Variants in TRIT1 observed in about 807,000 individuals in gnomAD.
The protein encoded by TRIT1 is tRNA isopentenyltransferase 1.
In TRIT1, 43 loss-of-function variants were observed where a neutral mutation model predicts 51.2. That is an observed-to-expected ratio of 0.84 (90% confidence interval 0.66 to 1.08). The LOEUF is 1.08. Among genes scored for constraint, TRIT1 ranks in the 50% least tolerant of loss-of-function variants. The pLI is 0.00. For synonymous variants in TRIT1, 184 were observed against 203.9 expected, an observed-to-expected ratio of 0.90 and a Z score of 0.83; for missense variants, 528 against 578.4, an observed-to-expected ratio of 0.91 and a Z score of 0.89.
chr1:39,866,730 G>A (rs557771405), intron 1 of TRIT1, among the ~76,000 whole-genome samples: 1 of 152,250 alleles, frequency 6.6e-6, no homozygotes, highest in South Asian at 2.1e-4. Context: ...CCAACACCTT[G>A]GGAGGCCAAG....
chr1:39,857,881 G>T (rs1228541164), intron 1 of TRIT1, among the ~76,000 whole-genome samples: 1 of 152,194 alleles, frequency 6.6e-6, no homozygotes, highest in Non-Finnish European at 1.5e-5. Flanking sequence ...GGTTCCATTT[G>T]TGGAGAAGGA....
intron 1 of TRIT1, among the ~76,000 whole-genome samples, chr1:39,862,637 C>T (rs1209613140): frequency 6.6e-6 from 1 of 152,158 alleles, no homozygotes; most frequent in Admixed American, 6.5e-5. Context: ...TCTAAACAAA[C>T]TTAGAAATTA....
chr1:39,841,006 T>C lies in TRIT1; in HGVS notation c.*738A>G, dbSNP rs1261927061. ...CATTGATAACAGAGCATACTGTGTA[T>C]AAACTAGGCATGGACTTGTATATCT... On this transcript the variant is annotated 3_prime_UTR_variant, in exon 11 of 11. Transcript: ENST00000316891. 2.0e-5 allele frequency: 3 copies of C among 152,238 alleles called. No homozygotes were observed. The highest frequency in any genetic ancestry group is 2.0e-4 in the Admixed American group (3 of 15,286). The allele number at this position is 152,238 out of a possible 1,614,324, so 9.4% of individuals were successfully genotyped here. A position where few individuals can be genotyped will look rare whatever the true frequency, so the allele number is the denominator to read the frequency against.
intron 1 of TRIT1, among the ~76,000 whole-genome samples, chr1:39,864,624 C>T (rs1643435278): frequency 1.3e-5 from 2 of 151,030 alleles, no homozygotes; most frequent in Non-Finnish European, 2.9e-5. Context: ...AAAAATTATC[C>T]GGCCCCAAAA....
chr1:39,861,449 A>T (rs1643239869), intron 1 of TRIT1, among the ~76,000 whole-genome samples: 1 of 152,232 alleles, frequency 6.6e-6, no homozygotes, highest in South Asian at 2.1e-4. Flanking sequence ...TAGCAATTCC[A>T]CTTCAGGTAC....
intron 1 of TRIT1, among the ~76,000 whole-genome samples, chr1:39,872,677 T>C (rs987980380): frequency 2.0e-5 from 3 of 151,718 alleles, no homozygotes; most frequent in African/African-American, 2.4e-5. Context: ...TAGATTAATA[T>C]ACATACATAC....
At chr1:39,845,306 G>A (rs1019607465) in intron 8 of TRIT1, among the ~76,000 whole-genome samples, 1 of 152,200 alleles carries the variant, frequency 6.6e-6, no homozygotes, top group Non-Finnish European at 1.5e-5. Flanking sequence ...AAAGAGTGCA[G>A]CTACAGGTAT....
chr1:39,880,257 A>T (rs1644212566), intron 1 of TRIT1, among the ~76,000 whole-genome samples: 1 of 144,092 alleles, frequency 6.9e-6, no homozygotes, highest in African/African-American at 2.7e-5. Flanking sequence ...GCAACAGAGC[A>T]AGACCTCAAA....
chr1:39,847,363 C>A (rs1049428765), intron 7 of TRIT1, 66 bp from the exon 8 acceptor site: 26 of 1,524,014 alleles, frequency 1.7e-5, no homozygotes, highest in Non-Finnish European at 2.4e-5. Flanking sequence ...GAGGCAGGCC[C>A]TCCCAGCCCA....
Position 39,841,505 on chromosome 1 carries a change from T to G in TRIT1, c.*239A>C. On this transcript the variant is annotated 3_prime_UTR_variant, in exon 11 of 11. Transcript: ENST00000316891. ...CTTTAAGGTTCAAAGAAAAAAAAAATGCTTTCCTGAACTACATCATTTCCA... is the reference window on the plus strand; with the variant it reads ...CTTTAAGGTTCAAAGAAAAAAAAAAGGCTTTCCTGAACTACATCATTTCCA... The G allele has an allele frequency of 2.7e-6, 1 of 369,064 alleles. No homozygotes were observed. Among genetic ancestry groups the G allele is most frequent in the Non-Finnish European group, 4.8e-6 (1 of 207,746 alleles). The allele number at this position is 369,064 out of a possible 1,614,324, so 22.9% of individuals were successfully genotyped here. A position where few individuals can be genotyped will look rare whatever the true frequency, so the allele number is the denominator to read the frequency against.
intron 8 of TRIT1, 110 bp downstream of exon 8, chr1:39,847,110 C>CA: frequency 1.2e-6 from 1 of 863,856 alleles, no homozygotes; most frequent in Non-Finnish European, 1.8e-6. Flanking sequence ...AGGTCAGATC[C>CA]AAAATCTTAG....
chr1:39,847,028 T>C (rs1166830450), intron 8 of TRIT1, 192 bp downstream of exon 8: 2 of 552,008 alleles, frequency 3.6e-6, no homozygotes, highest in African/African-American at 4.0e-5. Context: ...TCAATGCAAA[T>C]AATTTTTTTT....
chr1:39,865,982 AAAG>A (rs775832044), intron 1 of TRIT1, among the ~76,000 whole-genome samples: 16 of 151,528 alleles, frequency 1.1e-4, no homozygotes, highest in South Asian at 2.1e-4. Flanking sequence ...AGGAAAAGGA[AAAG>A]AAAGAAAGGG....
At chr1:39,846,625 G>C (rs1161821462) in intron 8 of TRIT1, among the ~76,000 whole-genome samples, 1 of 152,148 alleles carries the variant, frequency 6.6e-6, no homozygotes, top group African/African-American at 2.4e-5. Flanking sequence ...TTTCTTATCT[G>C]TAAAAATAAA....
chr1:39,849,112 A>G (rs1642410524), intron 5 of TRIT1, among the ~76,000 whole-genome samples: 1 of 152,202 alleles, frequency 6.6e-6, no homozygotes, highest in African/African-American at 2.4e-5. Flanking sequence ...CAGCAACAGT[A>G]ACCTTCCTAG....
intron 1 of TRIT1, among the ~76,000 whole-genome samples, chr1:39,878,511 T>C (rs926893906): frequency 2.0e-5 from 3 of 152,216 alleles, no homozygotes; most frequent in Non-Finnish European, 4.4e-5. Context: ...ACATTTAAGA[T>C]AGTGTTGTAC....
At chr1:39,876,453 C>T (rs975563521) in intron 1 of TRIT1, among the ~76,000 whole-genome samples, 1 of 152,094 alleles carries the variant, frequency 6.6e-6, no homozygotes, top group African/African-American at 2.4e-5. Context: ...CAGCTTAATA[C>T]TGCAGCCAAA....
intron 4 of TRIT1, among the ~76,000 whole-genome samples, chr1:39,851,185 T>C (rs948126309): frequency 6.6e-6 from 1 of 152,052 alleles, no homozygotes; most frequent in Non-Finnish European, 1.5e-5. Flanking sequence ...TAGTAATAGA[T>C]ATCTCACTTA....
intron 1 of TRIT1, among the ~76,000 whole-genome samples, chr1:39,867,094 C>T (rs1362051895): frequency 2.6e-5 from 4 of 152,346 alleles, no homozygotes; most frequent in African/African-American, 4.8e-5. Flanking sequence ...TTCTTTCCTA[C>T]GGCTCTTCTC....
Sources: gnomAD v4.1 joint callset for allele counts (sites outside exome capture counted in the v4.1 genomes callset) on GRCh38, gnomAD v4.1.1 for gene constraint, MANE v1.5 for transcripts, NCBI Gene and HGNC (gene_info 2026-07-23, HGNC 2026-07-21) for gene names.